Variants in EIF2S2 observed in about 807,000 individuals in gnomAD.
EIF2S2 encodes eukaryotic translation initiation factor 2 subunit 2.
In EIF2S2, 4 loss-of-function variants were observed where a neutral mutation model predicts 44.0. The observed-to-expected ratio is 0.09, with a 90% confidence interval of 0.04 to 0.21. The LOEUF is 0.21. Ranked by LOEUF, EIF2S2 falls within the 10% of genes least tolerant of loss-of-function variation. The probability of loss-of-function intolerance (pLI) is 1.00; values close to 1 mark genes in which losing one functional copy is unlikely to be tolerated. For synonymous variants in EIF2S2, 108 were observed against 128.3 expected, an observed-to-expected ratio of 0.84 and a Z score of 1.07; for missense variants, 154 against 392.0, an observed-to-expected ratio of 0.39 and a Z score of 5.13.
rs543716856 is a variant in EIF2S2, at chr20:34,088,999, T to G, written c.*731A>C. The G allele has an allele frequency of 6.6e-6, 1 of 152,668 alleles. No individual in the cohort carries two copies. Among genetic ancestry groups the G allele is most frequent in the East Asian group, 1.9e-4 (1 of 5,170 alleles). The allele number at this position is 152,668 out of a possible 1,614,324, so 9.5% of individuals were successfully genotyped here. On this transcript the variant is annotated 3_prime_UTR_variant, in exon 9 of 9. Transcript: ENST00000374980. ...AAGAGAGATGCTCAACTAGGATCTT[T>G]TTTAGTGTGCCAGTTACAAGACACA...
intron 7 of EIF2S2, among the ~76,000 whole-genome samples, chr20:34,090,901 A>T (rs1601528800): frequency 6.7e-6 from 1 of 149,144 alleles, no homozygotes; most frequent in East Asian, 1.9e-4. Context: ...GGCACTCCCC[A>T]CTGTGCCCTG....
At position 34,096,540 on chromosome 20, in the gene EIF2S2, CT is replaced by C; in HGVS notation, c.683+116del. ...CTTGAACGGTGAACTCCCTCAACCC[CT>C]ACACCTGTGTGTTCTTTCCATCTAT... On this transcript the variant is annotated intron_variant, in intron 6 of 8. Coordinates refer to ENST00000374980, the MANE Select transcript of EIF2S2 (RefSeq NM_003908.5). 3 of 1,070,198 alleles carry C rather than the reference CT, an allele frequency of 2.8e-6. No homozygotes were observed. The South Asian group carries it at 4.8e-5, about 17-fold the overall frequency. The allele number at this position is 1,070,198 out of a possible 1,614,324, so 66.3% of individuals were successfully genotyped here. A position where few individuals can be genotyped will look rare whatever the true frequency, so the allele number is the denominator to read the frequency against.
Position 34,112,209 on chromosome 20 carries a change from C to G in EIF2S2, c.-99G>C. ...CCCCTGCCGATACCTCTCCCACCAC[C>G]GCACTAGGCTCTTGCATCAGCGAAA... On this transcript the variant is annotated 5_prime_UTR_variant, in exon 1 of 9. Coordinates refer to ENST00000374980, the MANE Select transcript of EIF2S2 (RefSeq NM_003908.5). 1 of 1,301,414 alleles carries G rather than the reference C, an allele frequency of 7.7e-7. No homozygotes were observed. Among genetic ancestry groups the G allele is most frequent in the South Asian group, 1.5e-5 (1 of 64,812 alleles). The allele number at this position is 1,301,414 out of a possible 1,614,324, so 80.6% of individuals were successfully genotyped here.
chr20:34,089,992 T>A, intron 8 of EIF2S2, 87 bp from the exon 9 acceptor site: 2 of 1,430,302 alleles, frequency 1.4e-6, no homozygotes, highest in Non-Finnish European at 9.7e-7. Flanking sequence ...TACAAAGAAC[T>A]CCACAAGCCC....
Position 34,098,570 on chromosome 20 carries a change from G to T in EIF2S2, c.361C>A (p.Leu121Ile). Residue 121 changes from leucine (L) to isoleucine (I), a missense_variant, in exon 4 of 9, where the codon CTT becomes ATT. Transcript: ENST00000374980. ...TEPEDDLDIM[L>I]GNKKKKKKNV... ...TTCTTTTTCTTCTTTTTATTGCCAAGCATAATGTCAAGGTCATCCTCTGGT... is the reference window on the plus strand; with the variant it reads ...TTCTTTTTCTTCTTTTTATTGCCAATCATAATGTCAAGGTCATCCTCTGGT... The T allele has an allele frequency of 6.2e-7, 1 of 1,613,814 alleles. No individual in the cohort carries two copies. The highest frequency in any genetic ancestry group is 8.5e-7 in the Non-Finnish European group (1 of 1,179,932).
At chr20:34,107,190 G>C (rs564737993) in intron 1 of EIF2S2, among the ~76,000 whole-genome samples, 2 of 151,602 alleles carry the variant, frequency 1.3e-5, no homozygotes, top group African/African-American at 2.4e-5. Flanking sequence ...AAAAAAAAAA[G>C]AAAGTGCAGG....
chr20:34,093,116 A>T (rs1177452673), intron 7 of EIF2S2, among the ~76,000 whole-genome samples: 2 of 152,218 alleles, frequency 1.3e-5, no homozygotes, highest in African/African-American at 2.4e-5. Context: ...TTTTAAAGGG[A>T]CATTAGGCTT....
rs539043018 is a variant in EIF2S2 at position 34,112,189 on chromosome 20, G to A, written c.-79C>T. 4.9e-6 allele frequency: 7 copies of A among 1,440,390 alleles called. No individual in the cohort carries two copies. The highest frequency in any genetic ancestry group is 2.7e-5 in the East Asian group (1 of 37,682). 89.2% of individuals were successfully genotyped at this position (1,440,390 alleles called of 1,614,324 possible). A position where few individuals can be genotyped will look rare whatever the true frequency, so the allele number is the denominator to read the frequency against. ...AGGCCCCGGCGGCAGCGCTGCCCCT[G>A]CCGATACCTCTCCCACCACCGCACT... is the stretch of plus-strand genomic sequence containing the variant. On this transcript the variant is annotated 5_prime_UTR_variant, in exon 1 of 9. Coordinates refer to ENST00000374980, the MANE Select transcript of EIF2S2 (RefSeq NM_003908.5).
At chr20:34,093,779 C>T (rs934166344) in intron 6 of EIF2S2, 48 bp from the exon 7 acceptor site, 1 of 1,488,490 alleles carries the variant, frequency 6.7e-7, no homozygotes, top group Non-Finnish European at 9.2e-7. Flanking sequence ...ATGGAAATCT[C>T]ACCAAACTTC....
chr20:34,096,586 A>G (rs1169036665), intron 6 of EIF2S2, 71 bp downstream of exon 6: 2 of 1,437,548 alleles, frequency 1.4e-6, no homozygotes, highest in East Asian at 4.6e-5. Context: ...GACAATAAGG[A>G]CATTTAACAT....
At chr20:34,093,649 G>A (rs1347149915) in intron 7 of EIF2S2, 26 bp downstream of exon 7, 10 of 1,581,820 alleles carry the variant, frequency 6.3e-6, no homozygotes, top group Non-Finnish European at 6.9e-6. Context: ...CAGCAGTACT[G>A]TATGTAAATG....
At chr20:34,090,453 C>T (rs2034149979) in intron 8 of EIF2S2, 64 bp downstream of exon 8, 2 of 1,056,860 alleles carry the variant, frequency 1.9e-6, no homozygotes, top group Non-Finnish European at 2.7e-6. Context: ...ATGGCTCTTC[C>T]TCTAACACTG....
intron 1 of EIF2S2, among the ~76,000 whole-genome samples, chr20:34,109,808 AAAAC>A (rs1239805829): frequency 2.0e-5 from 3 of 151,998 alleles, no homozygotes; most frequent in Non-Finnish European, 4.4e-5. Flanking sequence ...AGAAAAAAAA[AAAAC>A]AAAAACAGAA....
In EIF2S2 at chr20:34,089,338, G is replaced by T. The variant is rs2034134250; in HGVS notation, c.*392C>A. 6.1e-6 allele frequency: 1 copy of T among 163,158 alleles called. No homozygotes were observed. Among genetic ancestry groups the T allele is most frequent in the African/African-American group, 2.4e-5 (1 of 41,756 alleles). The allele number at this position is 163,158 out of a possible 1,614,324, so 10.1% of individuals were successfully genotyped here. On this transcript the variant is annotated 3_prime_UTR_variant, in exon 9 of 9. Transcript: ENST00000374980. ...GCGCCTGCCATTGTTCAGTTTCTCA[G>T]TCAGAGCCCGGCACACACTGTTTTA...
At chr20:34,091,726 A>G (rs1372030193) in intron 7 of EIF2S2, among the ~76,000 whole-genome samples, 2 of 147,316 alleles carry the variant, frequency 1.4e-5, no homozygotes, top group African/African-American at 4.9e-5. Context: ...CTCAAAAAAA[A>G]AAAAAAACCC....
intron 1 of EIF2S2, among the ~76,000 whole-genome samples, chr20:34,107,649 TC>T (rs1423237482): frequency 6.6e-6 from 1 of 152,218 alleles, no homozygotes; most frequent in Admixed American, 6.5e-5. Context: ...TGCTCTAATT[TC>T]CCAAACATAT....
intron 2 of EIF2S2, among the ~76,000 whole-genome samples, chr20:34,104,550 T>C (rs978064827): frequency 6.6e-6 from 1 of 152,200 alleles, no homozygotes; most frequent in African/African-American, 2.4e-5. Context: ...CAACTAATCA[T>C]CAAAAGGCCT....
chr20:34,111,280 T>C (rs2034408960), intron 1 of EIF2S2, among the ~76,000 whole-genome samples: 1 of 152,188 alleles, frequency 6.6e-6, no homozygotes, highest in Non-Finnish European at 1.5e-5. Flanking sequence ...CTCAACAACT[T>C]ACGGGGCCTC....
At chr20:34,105,307 A>C in intron 2 of EIF2S2, 61 bp downstream of exon 2, 1 of 1,569,512 alleles carries the variant, frequency 6.4e-7, no homozygotes, top group South Asian at 1.2e-5. Context: ...TCCAAAAGCC[A>C]AAACGCTCAT....
Sources: gnomAD v4.1 joint callset for allele counts (sites outside exome capture counted in the v4.1 genomes callset) on GRCh38, gnomAD v4.1.1 for gene constraint, MANE v1.5 for transcripts, NCBI Gene and HGNC (gene_info 2026-07-23, HGNC 2026-07-21) for gene names.